IL17RD: variants seen among roughly 807,000 people sequenced by gnomAD.
IL17RD encodes the protein interleukin-17 receptor D.
Under a neutral mutation model 80.5 loss-of-function variants are expected in IL17RD, and 52 were observed. That is an observed-to-expected ratio of 0.65 (90% CI 0.52 to 0.81). IL17RD has a LOEUF of 0.81. Ranked by LOEUF, IL17RD falls within the 40% of genes least tolerant of loss-of-function variation. The pLI, the probability that IL17RD is intolerant of heterozygous loss-of-function variation, is 0.00. For synonymous variants in IL17RD, 416 were observed against 391.8 expected, an observed-to-expected ratio of 1.06 and a Z score of -0.73; for missense variants, 1,024 against 955.1, an observed-to-expected ratio of 1.07 and a Z score of -0.95.
chr3:57,122,249 T>C (rs2107500888), intron 1 of IL17RD, among the ~76,000 whole-genome samples: 1 of 152,256 alleles, frequency 6.6e-6, no homozygotes. Flanking sequence ...TGGGCTAGAA[T>C]GAAGAGGAAA....
intron 1 of IL17RD, among the ~76,000 whole-genome samples, chr3:57,137,794 T>C (rs1238804084): frequency 1.3e-5 from 2 of 152,196 alleles, no homozygotes; most frequent in Non-Finnish European, 2.9e-5. Flanking sequence ...GTCTCTAATC[T>C]TCCCCTGTTG....
At chr3:57,117,895 A>C (rs1559473259) in intron 2 of IL17RD, among the ~76,000 whole-genome samples, 1 of 152,218 alleles carries the variant, frequency 6.6e-6, no homozygotes, top group Non-Finnish European at 1.5e-5. Flanking sequence ...CTGTGAATTA[A>C]ATTTTAATTA....
At chr3:57,119,579 C>T (rs930191692) in intron 2 of IL17RD, among the ~76,000 whole-genome samples, 4 of 152,090 alleles carry the variant, frequency 2.6e-5, no homozygotes, top group African/African-American at 4.8e-5. Context: ...TGGGGTACTG[C>T]GGTTGGTGCC....
intron 1 of IL17RD, among the ~76,000 whole-genome samples, chr3:57,157,867 C>G (rs57936703): frequency 1.3e-5 from 2 of 152,090 alleles, no homozygotes; most frequent in African/African-American, 2.4e-5. Flanking sequence ...AACAGTCCAT[C>G]GCAGCACAGA....
rs141403064 is a variant in IL17RD, at chr3:57,162,882, G to A, written c.126+2279C>T. Among the ~76,000 whole-genome samples, 280 of 152,328 alleles carry A rather than the reference G, an allele frequency of 1.8e-3. 2 individuals carry two copies. Among genetic ancestry groups the A allele is most frequent in the African/African-American group, 6.6e-3 (274 of 41,556 alleles). On this transcript the variant is annotated intron_variant, in intron 1 of 12. Transcript: ENST00000296318. The stretch of plus-strand genomic sequence containing the variant: ...GACTAAAGTGCAAGGACCTGCATGA[G>A]AAGGTAAAGCAAGGGGCATGGCATT...
Position 57,098,050 on chromosome 3 carries a change from C to G in IL17RD, c.1653G>C (p.Gln551His). The G allele has an allele frequency of 6.2e-7, 1 of 1,614,042 alleles. No individual in the cohort carries two copies. Among genetic ancestry groups the G allele is most frequent in the Non-Finnish European group, 8.5e-7 (1 of 1,179,908 alleles). Residue 551 changes from glutamine to histidine, a missense_variant, in exon 12 of 13, where the codon CAG becomes CAC. Gln to His is a conservative substitution (Grantham distance 24, BLOSUM62 0). Transcript: ENST00000296318. ...SLYVAICNMH[Q>H]FIDEEPDWFE... is the part of the protein sequence containing the mutation. Reference sequence around the variant, plus strand: ...ACCAGTCGGGCTCCTCGTCAATAAACTGGTGCATGTTGCAAATGGCGACGT... The same window carrying G: ...ACCAGTCGGGCTCCTCGTCAATAAAGTGGTGCATGTTGCAAATGGCGACGT...
Position 57,093,008 on chromosome 3 carries a change from T to C in IL17RD, c.*3385A>G, listed in dbSNP as rs1706593376. 1 of 152,148 alleles carries C rather than the reference T, an allele frequency of 6.6e-6. No homozygotes were observed. The highest frequency in any genetic ancestry group is 6.5e-5 in the Admixed American group (1 of 15,276). The allele number at this position is 152,148 out of a possible 1,614,324, so 9.4% of individuals were successfully genotyped here. A position where few individuals can be genotyped will look rare whatever the true frequency, so the allele number is the denominator to read the frequency against. On this transcript the variant is annotated 3_prime_UTR_variant, in exon 13 of 13. Transcript: ENST00000296318. ...CATATAAAAATCCAGATTGTCAGCT[T>C]TTCTTGAAAAATGGGAAGATCAGGA... is the stretch of plus-strand genomic sequence containing the variant.
Position 57,165,194 on chromosome 3 carries a change from G to A in IL17RD, c.93C>T (p.Gly31=). 1 of 1,528,282 alleles carries A rather than the reference G, an allele frequency of 6.5e-7. No homozygotes were observed. The highest frequency in any genetic ancestry group is 8.8e-7 in the Non-Finnish European group (1 of 1,138,910). The allele number at this position is 1,528,282 out of a possible 1,614,324, so 94.7% of individuals were successfully genotyped here. ...SQLAVAAGGS[G]RARGADTCGW... Reference sequence around the variant, plus strand: ...CACAGGTGTCGGCGCCCCGCGCGCGGCCGGACCCGCCAGCGGCCACAGCCA... The same window carrying A: ...CACAGGTGTCGGCGCCCCGCGCGCGACCGGACCCGCCAGCGGCCACAGCCA... Residue 31 remains glycine (G), a synonymous_variant, in exon 1 of 13, where the codon GGC becomes GGT. Transcript: ENST00000296318.
chr3:57,165,130 G>T, intron 1 of IL17RD, 31 bp downstream of exon 1: 1 of 1,499,792 alleles, frequency 6.7e-7, no homozygotes, highest in South Asian at 1.3e-5. Flanking sequence ...GCGAGTTGGC[G>T]ACGGCAAGAA....
chr3:57,100,462 T>C (rs1706802289), intron 11 of IL17RD, among the ~76,000 whole-genome samples: 1 of 152,228 alleles, frequency 6.6e-6, no homozygotes, highest in South Asian at 2.1e-4. Flanking sequence ...ATTCTGACAT[T>C]ATAGAAAAGC....
chr3:57,130,448 G>T (rs1182187212), intron 1 of IL17RD, among the ~76,000 whole-genome samples: 1 of 152,188 alleles, frequency 6.6e-6, no homozygotes, highest in African/African-American at 2.4e-5. Context: ...GGTTCTCTCT[G>T]TCCTCCAGGA....
intron 3 of IL17RD, among the ~76,000 whole-genome samples, chr3:57,114,043 G>A (rs545754590): frequency 6.7e-6 from 1 of 148,908 alleles, no homozygotes; most frequent in East Asian, 2.1e-4. Context: ...AATTAGCTGG[G>A]TGTGGTGGTG....
chr3:57,109,931 TAC>T (rs1401913624), intron 4 of IL17RD, among the ~76,000 whole-genome samples: 15 of 152,172 alleles, frequency 9.9e-5, no homozygotes, highest in Non-Finnish European at 1.5e-4. Flanking sequence ...TGAGCCCACA[TAC>T]ACTCTTTGGA....
At position 57,142,541 on chromosome 3, in the gene IL17RD, C is replaced by A. The variant is rs769153010; in HGVS notation, c.127-22228G>T. 5.9e-5 allele frequency: 76 copies of A among 1,280,364 alleles called. No homozygotes were observed. In the East Asian group the frequency reaches 3.5e-3, roughly 58 times the overall value. The allele number at this position is 1,280,364 out of a possible 1,614,324, so 79.3% of individuals were successfully genotyped here. On this transcript the variant is annotated intron_variant, in intron 1 of 12. Transcript: ENST00000296318. Reference sequence around the variant, plus strand: ...TCCAACCGCCCCGTCTGACCTCCCCCACTCCGGCCTCCTGGCAGGGAGATA... The same window carrying A: ...TCCAACCGCCCCGTCTGACCTCCCCAACTCCGGCCTCCTGGCAGGGAGATA...
intron 1 of IL17RD, chr3:57,142,569 GC>G: frequency 8.3e-7 from 1 of 1,208,214 alleles, no homozygotes; most frequent in Non-Finnish European, 1.1e-6. Flanking sequence ...GGGAGATAGG[GC>G]CTGGCTGACC....
chr3:57,117,400 C>A (rs1467850505), intron 2 of IL17RD, among the ~76,000 whole-genome samples: 1 of 152,158 alleles, frequency 6.6e-6, no homozygotes, highest in East Asian at 1.9e-4. Context: ...AGGCATGAGC[C>A]ACTGTGCCCA....
At chr3:57,116,642 T>G (rs1367713219) in intron 2 of IL17RD, among the ~76,000 whole-genome samples, 1 of 152,190 alleles carries the variant, frequency 6.6e-6, no homozygotes, top group Non-Finnish European at 1.5e-5. Flanking sequence ...CAAATTCTAC[T>G]TCTAGTGAAT....
Position 57,165,220 on chromosome 3 carries a change from G to C in IL17RD, c.67C>G (p.Leu23Val). ...TVNACLNGSQLAVAAGGSGRA... is the reference protein window; with the variant it reads ...TVNACLNGSQVAVAAGGSGRA... ...CCGGACCCGCCAGCGGCCACAGCCA[G>C]CTGCGAGCCGTTGAGGCAGGCGTTG... is the stretch of plus-strand genomic sequence containing the variant. The change falls in exon 1 of 13, where the codon CTG (leucine) becomes GTG (valine). Residue 23 changes from leucine (L) to valine (V), a missense_variant. By Grantham distance (32) the Leu-to-Val change is conservative (BLOSUM62 1). Coordinates refer to ENST00000296318, the MANE Select transcript of IL17RD (RefSeq NM_017563.5). The C allele has an allele frequency of 6.5e-7, 1 of 1,531,448 alleles. No individual in the cohort carries two copies. Among genetic ancestry groups the C allele is most frequent in the Non-Finnish European group, 8.8e-7 (1 of 1,139,666 alleles). 94.9% of individuals were successfully genotyped at this position (1,531,448 alleles called of 1,614,324 possible).
At chr3:57,109,986 G>A (rs147658158) in intron 4 of IL17RD, among the ~76,000 whole-genome samples, 14 of 152,230 alleles carry the variant, frequency 9.2e-5, no homozygotes, top group Admixed American at 6.5e-5. Flanking sequence ...GCAGTAACCC[G>A]AGAGGCATGT....
Sources: gnomAD v4.1 joint callset for allele counts (sites outside exome capture counted in the v4.1 genomes callset) on GRCh38, gnomAD v4.1.1 for gene constraint, MANE v1.5 for transcripts, NCBI Gene and HGNC (gene_info 2026-07-23, HGNC 2026-07-21) for gene names.